The following KNTC1 variants were observed in gnomAD, a reference collection of about 807,000 sequenced individuals.
KNTC1 encodes the protein kinetochore associated 1.
A neutral mutation model predicts 314.4 loss-of-function variants in KNTC1; 253 were observed. That is an observed-to-expected ratio of 0.80 (90% CI 0.73 to 0.89). KNTC1 has a LOEUF of 0.89. KNTC1 is among the 40% of genes least tolerant of loss of function. The pLI, the probability that KNTC1 is intolerant of heterozygous loss-of-function variation, is 0.00. For missense variants in KNTC1, 2,475 were observed against 2,572.9 expected (o/e 0.96, Z 0.82); for synonymous variants, 901 against 901.4 (o/e 1.00, Z 0.01).
At position 122,585,658 on chromosome 12, in the gene KNTC1, A is replaced by T. The variant is rs1338405324; in HGVS notation, c.3557A>T (p.Asp1186Val). The T allele has an allele frequency of 1.9e-6, 3 of 1,613,818 alleles. No homozygotes were observed. In the African/African-American group the frequency reaches 4.0e-5, roughly 22 times the overall value. Residue 1186 changes from aspartate (D) to valine (V), a missense_variant, in exon 37 of 64, where the codon GAT becomes GTT. Physicochemically the swap from Asp to Val is radical, Grantham distance 152 (BLOSUM62 -3). Transcript: ENST00000333479. ...TAGGCTTCTTTTGGGACACATAAAG[A>T]TCCATATGAAGAGTGGTCTTACAGT... is the stretch of plus-strand genomic sequence containing the variant. ...LMKASFGTHK[D>V]PYEEWSYSDF... is the part of the protein sequence containing the mutation.
rs375169727 is a variant in KNTC1, at chr12:122,589,776, AT to A, written c.4000-806del. Reference sequence around the variant, plus strand: ...CATGATATTGTGCCCGGGCCCCCCAATTTTTTTTTTTTTTTTTTTTTTTTTG... The same window carrying A: ...CATGATATTGTGCCCGGGCCCCCCAATTTTTTTTTTTTTTTTTTTTTTTTG... On this transcript the variant is annotated intron_variant, in intron 40 of 63. Transcript: ENST00000333479. Among the ~76,000 whole-genome samples, 376 of 94,574 alleles carry A rather than the reference AT, an allele frequency of 4.0e-3. 1 individual carries two copies. The highest frequency in any genetic ancestry group is 0.031 in the Middle Eastern group (3 of 98). The allele number at this position is 94,574 out of a possible 152,430, so 62.0% of individuals were successfully genotyped here.
At chr12:122,529,138 C>A (rs925222022) in intron 1 of KNTC1, among the ~76,000 whole-genome samples, 1 of 152,084 alleles carries the variant, frequency 6.6e-6, no homozygotes, top group Non-Finnish European at 1.5e-5. Context: ...GCCACCGCGC[C>A]GGCCTGGTCT....
chr12:122,570,892 G>T lies in KNTC1; in HGVS notation c.1877G>T (p.Trp626Leu). 2 of 1,551,312 alleles carry T rather than the reference G, an allele frequency of 1.3e-6. No homozygotes were observed. The highest frequency in any genetic ancestry group is 2.4e-5 in the South Asian group (2 of 84,430). ...CTATTTCAGATAATTCTTGCAAAATGGTTGGAACAAGCAGCCAGGAACCTT... is the reference window on the plus strand; with the variant it reads ...CTATTTCAGATAATTCTTGCAAAATTGTTGGAACAAGCAGCCAGGAACCTT... ...VPEGQIILAK[W>L]LEQAARNLEL... The change falls in exon 23 of 64, where the codon TGG becomes TTG. Residue 626 changes from tryptophan (W) to leucine (L), a missense_variant. Physicochemically the swap from Trp to Leu is moderately conservative, Grantham distance 61. Transcript: ENST00000333479.
chr12:122,604,036 A>G (rs1448207026), intron 48 of KNTC1, among the ~76,000 whole-genome samples: 1 of 152,156 alleles, frequency 6.6e-6, no homozygotes, highest in Non-Finnish European at 1.5e-5. Context: ...TATGTATGGT[A>G]TTACCCATTA....
Position 122,551,300 on chromosome 12 carries a change from T to A in KNTC1, c.1087-19T>A, listed in dbSNP as rs367961298. On this transcript the variant is annotated intron_variant, in intron 13 of 63. Coordinates refer to ENST00000333479, the MANE Select transcript of KNTC1 (RefSeq NM_014708.6). ...TGCTCTTATATTGGAATTTTAATCA[T>A]GTTTTTTTGTTATTGTAGGATACCA... 1 of 1,463,626 alleles carries A rather than the reference T, an allele frequency of 6.8e-7. No individual in the cohort carries two copies. Among genetic ancestry groups the A allele is most frequent in the Middle Eastern group, 2.1e-4 (1 of 4,680 alleles). The allele number at this position is 1,463,626 out of a possible 1,614,324, so 90.7% of individuals were successfully genotyped here. A position where few individuals can be genotyped will look rare whatever the true frequency, so the allele number is the denominator to read the frequency against.
intron 55 of KNTC1, among the ~76,000 whole-genome samples, chr12:122,614,609 A>T (rs1873566383): frequency 6.6e-6 from 1 of 152,116 alleles, no homozygotes; most frequent in Non-Finnish European, 1.5e-5. Context: ...GGCCGGGCGC[A>T]GTGGCTCATG....
At chr12:122,588,967 A>G (rs753835356) in intron 40 of KNTC1, among the ~76,000 whole-genome samples, 151 bp downstream of exon 40, 5 of 152,086 alleles carry the variant, frequency 3.3e-5, no homozygotes, top group Non-Finnish European at 7.4e-5. Context: ...AATCAATTAT[A>G]TTTTTATTAT....
At chr12:122,534,394 A>T (rs978693311) in intron 2 of KNTC1, among the ~76,000 whole-genome samples, 1 of 152,164 alleles carries the variant, frequency 6.6e-6, no homozygotes, top group South Asian at 2.1e-4. Flanking sequence ...CCTGCAGCAT[A>T]AAGTCAATCC....
chr12:122,612,120 C>T (rs1269855388), intron 53 of KNTC1, among the ~76,000 whole-genome samples: 2 of 151,206 alleles, frequency 1.3e-5, no homozygotes, highest in African/African-American at 2.4e-5. Context: ...GGTCGGAGAG[C>T]AGTGGCACAA....
chr12:122,602,955 T>C (rs745345812), intron 47 of KNTC1, 68 bp downstream of exon 47: 10 of 1,559,542 alleles, frequency 6.4e-6, no homozygotes, highest in Non-Finnish European at 8.8e-6. Context: ...TATAGAAGAT[T>C]TTTCTGCTGC....
At chr12:122,537,442 G>A (rs1194101460) in intron 3 of KNTC1, among the ~76,000 whole-genome samples, 2 of 148,352 alleles carry the variant, frequency 1.3e-5, no homozygotes, top group African/African-American at 2.5e-5. Flanking sequence ...TTTTTGAGAC[G>A]GAGTCTGGCT....
Position 122,580,668 on chromosome 12 carries a change from C to T in KNTC1, c.2980C>T (p.Gln994Ter). ...LKLFKEVASL[Q>*]ENFEVFLSFE... ...ACTATTTAAAGAGGTTGCTAGCTTACAGGTAAACATATTGAGCCATGTTAA... is the reference window on the plus strand; with the variant it reads ...ACTATTTAAAGAGGTTGCTAGCTTATAGGTAAACATATTGAGCCATGTTAA... The change falls in exon 33 of 64, where the codon CAG becomes TAG. Residue 994 changes from glutamine to a stop codon, truncating the protein, a stop_gained and splice_region_variant. Transcript: ENST00000333479. LOFTEE classifies it high-confidence loss of function. The T allele has an allele frequency of 6.4e-7, 1 of 1,551,336 alleles. No individual in the cohort carries two copies. Among genetic ancestry groups the T allele is most frequent in the Non-Finnish European group, 8.8e-7 (1 of 1,141,136 alleles).
intron 4 of KNTC1, 41 bp downstream of exon 4, chr12:122,538,495 T>G: frequency 9.0e-7 from 1 of 1,112,400 alleles, no homozygotes. Context: ...ATTTAAATTC[T>G]AAATAATCTC....
rs764683680 is a variant in KNTC1 at position 122,582,828 on chromosome 12, C to G, written c.3106C>G (p.Pro1036Ala). 6.2e-7 allele frequency: 1 copy of G among 1,611,932 alleles called. No homozygotes were observed. The highest frequency in any genetic ancestry group is 8.5e-7 in the Non-Finnish European group (1 of 1,179,008). ...GGCGAAACACAAACCTGGGAGCACCCCAGAGCCCATAGCTGCTGAGGTGAG... is the reference window on the plus strand; with the variant it reads ...GGCGAAACACAAACCTGGGAGCACCGCAGAGCCCATAGCTGCTGAGGTGAG... ...AQAKHKPGST[P>A]EPIAAEVRSP... The change falls in exon 34 of 64, where the codon CCA becomes GCA. Residue 1036 changes from proline to alanine, a missense_variant. Physicochemically the swap from Pro to Ala is conservative, Grantham distance 27. Transcript: ENST00000333479.
intron 19 of KNTC1, among the ~76,000 whole-genome samples, 199 bp from the exon 20 acceptor site, chr12:122,562,439 T>TTTTGTGTG (rs370627145): frequency 5.9e-4 from 86 of 145,084 alleles, no homozygotes; most frequent in African/African-American, 2.1e-3. Flanking sequence ...ATCCCATGTT[T>TTTTGTGTG]TGTGTGTGTG....
chr12:122,547,642 C>T, intron 11 of KNTC1, 112 bp downstream of exon 11: 1 of 747,312 alleles, frequency 1.3e-6, no homozygotes, highest in Non-Finnish European at 2.2e-6. Flanking sequence ...CACTGTGAAA[C>T]AGTCTGACAG....
intron 2 of KNTC1, among the ~76,000 whole-genome samples, chr12:122,530,911 C>A (rs1272599226): frequency 6.6e-6 from 1 of 152,182 alleles, no homozygotes; most frequent in Non-Finnish European, 1.5e-5. Flanking sequence ...TACATTTTAA[C>A]TTTCTTCTGT....
At chr12:122,594,495 T>G in intron 43 of KNTC1, 110 bp downstream of exon 43, 1 of 656,298 alleles carries the variant, frequency 1.5e-6, no homozygotes, top group Admixed American at 2.8e-5. Flanking sequence ...ACCACTATTT[T>G]CTTTTGCTCA....
chr12:122,608,400 G>T (rs1872758946), intron 51 of KNTC1, among the ~76,000 whole-genome samples: 1 of 152,148 alleles, frequency 6.6e-6, no homozygotes, highest in Non-Finnish European at 1.5e-5. Context: ...AAAGTGCTGG[G>T]ATTACAGGTG....
Sources: allele counts gnomAD v4.1 joint callset (sites outside exome capture counted in the v4.1 genomes callset), GRCh38; gene constraint gnomAD v4.1.1; transcripts MANE v1.5; gene names NCBI Gene and HGNC (gene_info 2026-07-23, HGNC 2026-07-21).